ATRNL1: variants seen among roughly 807,000 people sequenced by gnomAD.
ATRNL1 encodes attractin-like protein 1.
In ATRNL1, 95 loss-of-function variants were observed where a neutral mutation model predicts 182.7. The observed-to-expected ratio is 0.52, with a 90% CI of 0.44 to 0.62. The LOEUF is 0.62. Among genes scored for constraint, ATRNL1 ranks in the 20% least tolerant of loss-of-function variants. The pLI, the probability that ATRNL1 is intolerant of heterozygous loss-of-function variation, is 0.00. For synonymous variants in ATRNL1, 576 were observed against 568.3 expected (o/e 1.01, Z -0.19); for missense variants, 1,471 against 1,679.5 (o/e 0.88, Z 2.17).
chr10:115,740,428 G>T (rs1484833759), intron 27 of ATRNL1, among the ~76,000 whole-genome samples: 2 of 152,182 alleles, frequency 1.3e-5, no homozygotes, highest in Non-Finnish European at 2.9e-5. Flanking sequence ...CCAGCTACTT[G>T]TGAGGCTGAG....
At chr10:115,597,606 C>G in intron 26 of ATRNL1, 1 of 375,242 alleles carries the variant, frequency 2.7e-6, no homozygotes, top group Non-Finnish European at 5.0e-6. Context: ...GAGTCACACT[C>G]TTGTCACCCA....
chr10:115,097,779 C>T (rs994376256), intron 1 of ATRNL1, among the ~76,000 whole-genome samples: 64 of 152,150 alleles, frequency 4.2e-4, no homozygotes, highest in African/African-American at 1.5e-3. Flanking sequence ...CAAAAATTAG[C>T]TGGGTGTGAT....
chr10:115,171,481 T>C, intron 8 of ATRNL1, 189 bp downstream of exon 8: 1 of 457,328 alleles, frequency 2.2e-6, no homozygotes, highest in Non-Finnish European at 3.6e-6. Context: ...AAGCTTACCT[T>C]TTTAACCAAA....
intron 14 of ATRNL1, among the ~76,000 whole-genome samples, chr10:115,283,035 T>C (rs1554917478): frequency 6.6e-6 from 1 of 152,088 alleles, no homozygotes; most frequent in African/African-American, 2.4e-5. Context: ...TAAAACATAT[T>C]GGAAAATTCC....
chr10:115,383,111 T>C lies in ATRNL1; in HGVS notation c.3176-11548T>C, dbSNP rs991773610. On this transcript the variant is annotated intron_variant, in intron 19 of 28. Transcript: ENST00000355044. ...GTATTTATTCGGTTATTTTTGTTTG[T>C]TTTTCTTTTTTTTTTTCTCTCTCTA... Among the ~76,000 whole-genome samples the C allele has an allele frequency of 3.8e-5, 5 of 132,684 alleles. No individual in the cohort carries two copies. In the South Asian group the frequency reaches 7.0e-4, roughly 19 times the overall value. 87.0% of individuals were successfully genotyped at this position (132,684 alleles called of 152,430 possible).
At chr10:115,916,364 C>G (rs1457716683) in intron 28 of ATRNL1, among the ~76,000 whole-genome samples, 1 of 152,240 alleles carries the variant, frequency 6.6e-6, no homozygotes, top group Non-Finnish European at 1.5e-5. Flanking sequence ...CTGTTCCACA[C>G]ATCAAGTCAA....
chr10:115,434,719 G>T (rs1366216132), intron 21 of ATRNL1, among the ~76,000 whole-genome samples: 1 of 152,002 alleles, frequency 6.6e-6, no homozygotes, highest in African/African-American at 2.4e-5. Context: ...TGAAAGGCAT[G>T]CATTCCAATA....
chr10:115,391,580 T>A (rs1844021491), intron 19 of ATRNL1, among the ~76,000 whole-genome samples: 1 of 151,962 alleles, frequency 6.6e-6, no homozygotes, highest in South Asian at 2.1e-4. Flanking sequence ...GGAGGGGTAA[T>A]ATGGATAATA....
chr10:115,419,199 G>A (rs1438767268), intron 20 of ATRNL1, among the ~76,000 whole-genome samples: 3 of 151,994 alleles, frequency 2.0e-5, no homozygotes, highest in Non-Finnish European at 1.5e-5. Flanking sequence ...TCAAAATTAA[G>A]TTTTTATTGG....
intron 21 of ATRNL1, among the ~76,000 whole-genome samples, chr10:115,442,251 T>G (rs139896254): frequency 2.3e-3 from 298 of 128,852 alleles, no homozygotes; most frequent in African/African-American, 8.4e-3. Flanking sequence ...ACAGCGCAGC[T>G]TCATTTTCAT....
At chr10:115,322,013 A>G (rs1207034290) in intron 18 of ATRNL1, among the ~76,000 whole-genome samples, 1 of 152,116 alleles carries the variant, frequency 6.6e-6, no homozygotes, top group Admixed American at 6.6e-5. Flanking sequence ...TACCATTTAC[A>G]GTAGCTACAA....
chr10:115,444,824 C>T (rs11197216), intron 21 of ATRNL1, among the ~76,000 whole-genome samples: 43,155 of 151,708 alleles, frequency 0.28, 7,729 homozygotes, highest in Middle Eastern at 0.45. Context: ...TTCCGCCTCT[C>T]GGGTTCATGC....
chr10:115,368,186 G>A (rs1409783171), intron 19 of ATRNL1, among the ~76,000 whole-genome samples: 1 of 152,234 alleles, frequency 6.6e-6, no homozygotes. Flanking sequence ...GACTCCGTGG[G>A]CGTAGGACCC....
intron 9 of ATRNL1, among the ~76,000 whole-genome samples, chr10:115,225,218 C>A (rs1849641150): frequency 6.6e-6 from 1 of 151,546 alleles, no homozygotes; most frequent in Non-Finnish European, 1.5e-5. Context: ...AAGTAATGGT[C>A]TATAATCTTG....
chr10:115,184,633 T>C (rs1847873075), intron 8 of ATRNL1, among the ~76,000 whole-genome samples: 1 of 151,768 alleles, frequency 6.6e-6, no homozygotes, highest in South Asian at 2.1e-4. Flanking sequence ...GAAAGTATAT[T>C]TACCTGTGTT....
intron 26 of ATRNL1, among the ~76,000 whole-genome samples, chr10:115,722,574 A>C (rs1947463720): frequency 6.6e-6 from 1 of 152,098 alleles, no homozygotes; most frequent in African/African-American, 2.4e-5. Flanking sequence ...TGTTTGTGTT[A>C]ATAACAGAAA....
At chr10:115,352,508 A>G (rs766249068) in intron 19 of ATRNL1, among the ~76,000 whole-genome samples, 12 of 152,146 alleles carry the variant, frequency 7.9e-5, no homozygotes, top group Non-Finnish European at 1.5e-4. Context: ...TTAAAGTTTT[A>G]TTCTTAATTT....
intron 26 of ATRNL1, among the ~76,000 whole-genome samples, chr10:115,591,524 C>A (rs191266106): frequency 1.1e-4 from 17 of 152,258 alleles, no homozygotes; most frequent in Admixed American, 5.9e-4. Context: ...TTGGAAATTT[C>A]TATCTTTATC....
chr10:115,240,805 C>T lies in ATRNL1; in HGVS notation c.1533-766C>T, dbSNP rs566596608. Among the ~76,000 whole-genome samples the T allele has an allele frequency of 2.6e-5, 4 of 151,952 alleles. No individual in the cohort carries two copies. In the East Asian group the frequency reaches 7.7e-4, roughly 29 times the overall value. ...AGCATATATTTATAATATTTTCTCTCAGAATTATACTTTAATTAAAAGAAC... is the reference window on the plus strand; with the variant it reads ...AGCATATATTTATAATATTTTCTCTTAGAATTATACTTTAATTAAAAGAAC... On this transcript the variant is annotated intron_variant, in intron 9 of 28. Coordinates refer to ENST00000355044, the MANE Select transcript of ATRNL1 (RefSeq NM_207303.4).
Sources: gnomAD v4.1 joint callset for allele counts (sites outside exome capture counted in the v4.1 genomes callset) on GRCh38, gnomAD v4.1.1 for gene constraint, MANE v1.5 for transcripts, NCBI Gene and HGNC (gene_info 2026-07-23, HGNC 2026-07-21) for gene names.